Variants in ATP10B observed in about 807,000 individuals in gnomAD.
ATP10B encodes the protein ATPase phospholipid transporting 10B (putative).
ATP10B carries 122 observed loss-of-function variants against 141.2 expected under a neutral mutation model. The ratio of observed to expected loss-of-function variants is 0.86; its 90% CI spans 0.75 to 1.00. ATP10B has a LOEUF of 1.00. ATP10B is among the 50% of genes least tolerant of loss of function. The probability of loss-of-function intolerance (pLI) is 0.00; values close to 1 mark genes in which losing one functional copy is unlikely to be tolerated. For synonymous variants in ATP10B, 685 were observed against 692.0 expected, an observed-to-expected ratio of 0.99 and a Z score of 0.16; for missense variants, 1,876 against 1,825.3, an observed-to-expected ratio of 1.03 and a Z score of -0.51.
chr5:160,726,331 G>C, intron 2 of ATP10B, among the ~76,000 whole-genome samples: 1 of 152,174 alleles, frequency 6.6e-6, no homozygotes, highest in African/African-American at 2.4e-5. Context: ...GTATAACCAA[G>C]GTGAAACAGG....
chr5:160,755,841 ATATATATATATATATATAT>A (rs1768544496), intron 2 of ATP10B, among the ~76,000 whole-genome samples: 1 of 30,946 alleles, frequency 3.2e-5, no homozygotes, highest in African/African-American at 1.5e-4. Flanking sequence ...AAAAAAAAAT[ATATATATATATATATATAT>A]ATATATATAT....
chr5:160,781,769 A>G (rs970808010), intron 2 of ATP10B, among the ~76,000 whole-genome samples: 17 of 152,102 alleles, frequency 1.1e-4, no homozygotes, highest in African/African-American at 3.4e-4. Flanking sequence ...TTGCACAGCA[A>G]CCTATCTTGT....
At chr5:160,901,732 T>C in the ATP10B span, among the ~76,000 whole-genome samples, 3 of 152,324 alleles carry the variant, frequency 2.0e-5, no homozygotes, top group South Asian at 6.2e-4. Flanking sequence ...AGGTATTCAT[T>C]GAATATTTGG....
intron 3 of ATP10B, among the ~76,000 whole-genome samples, chr5:160,699,821 G>A (rs1330196542): frequency 6.6e-6 from 1 of 152,120 alleles, no homozygotes; most frequent in African/African-American, 2.4e-5. Flanking sequence ...ATGGTAGCAG[G>A]TTTGGTGTCT....
chr5:160,867,476 G>C, the ATP10B span, among the ~76,000 whole-genome samples: 21 of 152,098 alleles, frequency 1.4e-4, no homozygotes, highest in African/African-American at 5.1e-4. Context: ...AACACACACA[G>C]AAATGGGGCT....
intron 7 of ATP10B, among the ~76,000 whole-genome samples, chr5:160,655,598 G>A (rs963522751): frequency 3.9e-5 from 6 of 152,158 alleles, no homozygotes; most frequent in African/African-American, 9.7e-5. Flanking sequence ...AGACCTCACT[G>A]TAAAGGCTGA....
rs1758160125 is a variant in ATP10B at position 160,618,612 on chromosome 5, G to A, written c.2417-639C>T. 3.3e-5 allele frequency among the ~76,000 whole-genome samples: 5 copies of A among 152,318 alleles called. No homozygotes were observed. In the South Asian group the frequency reaches 1.0e-3, roughly 32 times the overall value. On this transcript the variant is annotated intron_variant, in intron 15 of 25. Transcript: ENST00000327245. ...CCTATGAATGTAGTATGAAAAATAT[G>A]TGTGTTGCTCAAAGTCCCCTTTGTA... is the stretch of plus-strand genomic sequence containing the variant.
rs1167782911 is a variant in ATP10B at position 160,609,379 on chromosome 5, TTA to T, written c.2839-2295_2839-2294del. Among the ~76,000 whole-genome samples the T allele has an allele frequency of 1.2e-3, 93 of 78,816 alleles. 2 individuals carry two copies. In the South Asian group the frequency reaches 0.034, roughly 29 times the overall value. 51.7% of individuals were successfully genotyped at this position (78,816 alleles called of 152,430 possible). A position where few individuals can be genotyped will look rare whatever the true frequency, so the allele number is the denominator to read the frequency against. Reference sequence around the variant, plus strand: ...TGTGGGGGAATATGTCTGCCATAACTTATTTTTTTTTTTTTTTGAGGCAGAGT... The same window carrying T: ...TGTGGGGGAATATGTCTGCCATAACTTTTTTTTTTTTTTTTGAGGCAGAGT... On this transcript the variant is annotated intron_variant, in intron 18 of 25. Transcript: ENST00000327245.
At chr5:160,693,480 G>A (rs539540958) in intron 3 of ATP10B, among the ~76,000 whole-genome samples, 1 of 150,730 alleles carries the variant, frequency 6.6e-6, no homozygotes, top group East Asian at 2.0e-4. Context: ...GGAAGGGCTC[G>A]TGGGAAAAGG....
rs367958884 is a variant in ATP10B, at chr5:160,832,747, CAGAG to C, written c.-576+19190_-576+19193del. Among the ~76,000 whole-genome samples the C allele has an allele frequency of 4.0e-3, 604 of 152,140 alleles. 4 individuals carry two copies. Among genetic ancestry groups the C allele is most frequent in the African/African-American group, 0.014 (568 of 41,504 alleles). On this transcript the variant is annotated intron_variant, in intron 1 of 25. Coordinates refer to ENST00000327245, the MANE Select transcript of ATP10B (RefSeq NM_025153.3). ...CACAAAAATACCTAAATATGATAAA[CAGAG>C]AGAGAGAAGCTACTCCTAGAGAACA...
chr5:160,777,751 G>T (rs1002864857), intron 2 of ATP10B, among the ~76,000 whole-genome samples: 3 of 152,068 alleles, frequency 2.0e-5, no homozygotes, highest in Non-Finnish European at 2.9e-5. Flanking sequence ...TTCTCTAGAG[G>T]ATATACTTAT....
intron 6 of ATP10B, among the ~76,000 whole-genome samples, chr5:160,674,459 C>T (rs1179380815): frequency 6.6e-6 from 1 of 152,186 alleles, no homozygotes; most frequent in Non-Finnish European, 1.5e-5. Context: ...AAAGGAGCCA[C>T]CCACAAGTGG....
In ATP10B at chr5:160,649,206, T is replaced by G. The variant is rs2127687651; in HGVS notation, c.726A>C (p.Lys242Asn). The change falls in exon 8 of 26, where the codon AAA (lysine) becomes AAC (asparagine). Residue 242 changes from lysine (K) to asparagine (N), a missense_variant. Transcript: ENST00000327245. ...TAAATTTGTTGAGGTGGTTGTTGGGTTTCTCACACACGATGGTATTGTGGA... is the reference window on the plus strand; with the variant it reads ...TAAATTTGTTGAGGTGGTTGTTGGGGTTCTCACACACGATGGTATTGTGGA... Reference protein sequence around the residue: ...ELFHNTIVCEKPNNHLNKFKG... With the variant: ...ELFHNTIVCENPNNHLNKFKG... The G allele has an allele frequency of 6.2e-7, 1 of 1,613,920 alleles. No homozygotes were observed. The highest frequency in any genetic ancestry group is 1.1e-5 in the South Asian group (1 of 91,074).
chr5:160,817,146 T>C (rs1773698578), intron 1 of ATP10B, among the ~76,000 whole-genome samples: 1 of 152,188 alleles, frequency 6.6e-6, no homozygotes, highest in Admixed American at 6.5e-5. Context: ...TTGGAAGTTC[T>C]GGCCAGGGCA....
chr5:160,729,418 G>T (rs538038912), intron 2 of ATP10B, among the ~76,000 whole-genome samples: 1 of 152,060 alleles, frequency 6.6e-6, no homozygotes, highest in Non-Finnish European at 1.5e-5. Flanking sequence ...CAGCTGCTGC[G>T]CTAGCTAACA....
At chr5:160,676,898 C>T (rs1044609803) in intron 6 of ATP10B, among the ~76,000 whole-genome samples, 3 of 152,152 alleles carry the variant, frequency 2.0e-5, no homozygotes, top group African/African-American at 7.2e-5. Context: ...ATCTAACTTG[C>T]ATAAGGTCAC....
chr5:160,636,099 C>T, intron 11 of ATP10B, 83 bp downstream of exon 11: 1 of 1,439,256 alleles, frequency 6.9e-7, no homozygotes, highest in South Asian at 1.4e-5. Context: ...TAGTGGCCAG[C>T]ACTGTTTTTT....
At chr5:160,872,702 T>C in the ATP10B span, among the ~76,000 whole-genome samples, 24 of 152,240 alleles carry the variant, frequency 1.6e-4, no homozygotes, top group Non-Finnish European at 3.1e-4. Flanking sequence ...TTGGTTTATT[T>C]CAGCGTTCTC....
intron 3 of ATP10B, among the ~76,000 whole-genome samples, chr5:160,699,304 ATGTTTTAC>A (rs1258161454): frequency 6.6e-6 from 1 of 152,222 alleles, no homozygotes; most frequent in Non-Finnish European, 1.5e-5. Flanking sequence ...TTCTTTTGGT[ATGTTTTAC>A]TGACAAAATA....
Sources: gnomAD v4.1 joint callset for allele counts (sites outside exome capture counted in the v4.1 genomes callset) on GRCh38, gnomAD v4.1.1 for gene constraint, MANE v1.5 for transcripts, NCBI Gene and HGNC (gene_info 2026-07-23, HGNC 2026-07-21) for gene names.